TACC2: variants seen among roughly 807,000 people sequenced by gnomAD.
The protein encoded by TACC2 is transforming acidic coiled-coil-containing protein 2.
In TACC2, 137 loss-of-function variants were observed where a neutral mutation model predicts 227.3. The ratio of observed to expected loss-of-function variants is 0.60; its 90% CI spans 0.52 to 0.69. TACC2 has a LOEUF of 0.69. Ranked by LOEUF, TACC2 falls within the 30% of genes least tolerant of loss-of-function variation. The pLI, the probability that TACC2 is intolerant of heterozygous loss-of-function variation, is 0.00. For synonymous variants in TACC2, 1,523 were observed against 1,487.5 expected (o/e 1.02, Z -0.55); for missense variants, 3,470 against 3,694.4 (o/e 0.94, Z 1.57).
At chr10:122,232,032 C>A (rs1318734746) in intron 16 of TACC2, among the ~76,000 whole-genome samples, 1 of 152,206 alleles carries the variant, frequency 6.6e-6, no homozygotes, top group African/African-American at 2.4e-5. Flanking sequence ...CTCCCAGAGA[C>A]AGTGGGTGCT....
intron 1 of TACC2, among the ~76,000 whole-genome samples, chr10:122,008,269 T>TTATTTTTA (rs1955490060): frequency 6.7e-6 from 1 of 148,860 alleles, no homozygotes; most frequent in South Asian, 2.1e-4. Context: ...TTATTATTTT[T>TTATTTTTA]TTTTTTTGAG....
rs2079436625 is a variant in TACC2, at chr10:122,081,185, C to T, written c.147-1462C>T. Among the ~76,000 whole-genome samples the T allele has an allele frequency of 2.0e-5, 3 of 151,928 alleles. No homozygotes were observed. The South Asian group carries it at 6.2e-4, about 32-fold the overall frequency. ...TCTGATTTTTTTTTCCTACATTTTC[C>T]ACACTTTGTGTTGGCCACATATTAT... On this transcript the variant is annotated intron_variant, in intron 3 of 22. Coordinates refer to ENST00000369005, the MANE Select transcript of TACC2 (RefSeq NM_206862.4).
chr10:122,057,329 G>A (rs942419857), intron 3 of TACC2, among the ~76,000 whole-genome samples: 1 of 152,214 alleles, frequency 6.6e-6, no homozygotes, highest in Non-Finnish European at 1.5e-5. Flanking sequence ...AGGGGATGTT[G>A]TTGTAGTAGA....
intron 8 of TACC2, among the ~76,000 whole-genome samples, chr10:122,203,388 C>T (rs559756551): frequency 2.4e-4 from 36 of 149,888 alleles, no homozygotes; most frequent in African/African-American, 6.5e-4. Flanking sequence ...ACCTCCCTCC[C>T]GGACGGGGCG....
chr10:122,009,860 A>C (rs1955704940), intron 1 of TACC2, among the ~76,000 whole-genome samples: 1 of 152,132 alleles, frequency 6.6e-6, no homozygotes, highest in Non-Finnish European at 1.5e-5. Flanking sequence ...TAGGAGGCGG[A>C]GGTTGCAGTG....
rs55655832 is a variant in TACC2, at chr10:122,176,073, TTCTCTCTCTCTCTCTC to T, written c.5835-18937_5835-18922del. Among the ~76,000 whole-genome samples the T allele has an allele frequency of 8.8e-3, 811 of 92,672 alleles. 10 individuals are homozygous for T. The highest frequency in any genetic ancestry group is 0.021 in the African/African-American group (575 of 27,734). The allele number at this position is 92,672 out of a possible 152,430, so 60.8% of individuals were successfully genotyped here. A position where few individuals can be genotyped will look rare whatever the true frequency, so the allele number is the denominator to read the frequency against. On this transcript the variant is annotated intron_variant, in intron 7 of 22. Coordinates refer to ENST00000369005, the MANE Select transcript of TACC2 (RefSeq NM_206862.4). ...CTAACCTGAACAACAGAGCAAAACC[TTCTCTCTCTCTCTCTC>T]TCTCTCTCTCTCTCTCTCTCTCTCT...
chr10:122,164,662 T>G lies in TACC2; in HGVS notation c.5834+20956T>G, dbSNP rs369384957. Among the ~76,000 whole-genome samples, 247 of 152,260 alleles carry G rather than the reference T, an allele frequency of 1.6e-3. 1 individual carries two copies. Among genetic ancestry groups the G allele is most frequent in the Middle Eastern group, 6.8e-3 (2 of 294 alleles). The stretch of plus-strand genomic sequence containing the variant: ...GCCGAGTGTTTATTAGAATTCACGT[T>G]TCTGTTATGGTCGTCTCCATTACCT... On this transcript the variant is annotated intron_variant, in intron 7 of 22. Coordinates refer to ENST00000369005, the MANE Select transcript of TACC2 (RefSeq NM_206862.4).
intron 5 of TACC2, among the ~76,000 whole-genome samples, chr10:122,117,704 G>A (rs966945688): frequency 6.6e-6 from 1 of 152,196 alleles, no homozygotes; most frequent in Non-Finnish European, 1.5e-5. Context: ...CTGAGGTCCA[G>A]GAGCTATTCT....
chr10:122,252,475 A>G (rs1389645374), intron 22 of TACC2, among the ~76,000 whole-genome samples: 1 of 151,776 alleles, frequency 6.6e-6, no homozygotes, highest in Admixed American at 6.6e-5. Context: ...CATAGTGGCA[A>G]TGAGAGTTTT....
chr10:122,134,599 C>A (rs895197497), intron 6 of TACC2, among the ~76,000 whole-genome samples: 4 of 152,244 alleles, frequency 2.6e-5, no homozygotes, highest in African/African-American at 9.6e-5. Flanking sequence ...ACGTGGGGCA[C>A]CCCCTTCCTG....
intron 7 of TACC2, among the ~76,000 whole-genome samples, chr10:122,151,548 C>A (rs1292394267): frequency 6.6e-6 from 1 of 152,054 alleles, no homozygotes; most frequent in Non-Finnish European, 1.5e-5. Flanking sequence ...TTTAGAGGGG[C>A]CTGCAGCCAG....
In TACC2 at chr10:122,085,103, A is replaced by G. The variant is rs2079955640; in HGVS notation, c.2603A>G (p.Gln868Arg). The G allele has an allele frequency of 6.2e-7, 1 of 1,614,084 alleles. No individual in the cohort carries two copies. The highest frequency in any genetic ancestry group is 8.5e-7 in the Non-Finnish European group (1 of 1,180,056). ...TSPSHPGFKD[Q>R]GADSSQIHVP... ...CCAAGCCATCCAGGTTTTAAGGACCAGGGAGCAGATTCTTCCCAAATCCAT... is the reference window on the plus strand; with the variant it reads ...CCAAGCCATCCAGGTTTTAAGGACCGGGGAGCAGATTCTTCCCAAATCCAT... Residue 868 changes from glutamine to arginine, a missense_variant, in exon 4 of 23, where the codon CAG becomes CGG. Around this residue, in one of 10 missense-constraint regions of TACC2, gnomAD observed 1,924 missense variants for 1,978.3 expected, o/e 0.97. Transcript: ENST00000369005.
intron 3 of TACC2, among the ~76,000 whole-genome samples, chr10:122,073,800 G>C (rs2078430984): frequency 6.6e-6 from 1 of 151,992 alleles, no homozygotes; most frequent in Non-Finnish European, 1.5e-5. Flanking sequence ...TGTTTTTTGA[G>C]ATAGGGTCTT....
At chr10:122,133,794 C>T (rs572509108) in intron 6 of TACC2, among the ~76,000 whole-genome samples, 1 of 152,312 alleles carries the variant, frequency 6.6e-6, no homozygotes, top group East Asian at 1.9e-4. Flanking sequence ...TGTAAATGAC[C>T]CGTATCTAAT....
intron 1 of TACC2, among the ~76,000 whole-genome samples, chr10:122,002,423 T>C (rs1011285383): frequency 1.3e-5 from 2 of 149,128 alleles, no homozygotes; most frequent in Non-Finnish European, 3.0e-5. Flanking sequence ...GTGATATTGC[T>C]TTGTAGTTTT....
At chr10:122,156,888 A>T (rs1224183890) in intron 7 of TACC2, among the ~76,000 whole-genome samples, 1 of 152,124 alleles carries the variant, frequency 6.6e-6, no homozygotes, top group East Asian at 1.9e-4. Flanking sequence ...CTTTGGGAGG[A>T]TCACTTGAGC....
chr10:122,237,324 G>T (rs2095875920), intron 16 of TACC2, 71 bp from the exon 17 acceptor site: 2 of 1,444,166 alleles, frequency 1.4e-6, no homozygotes, highest in Non-Finnish European at 1.9e-6. Context: ...TTCATGAGAG[G>T]GTGAGTGTAA....
intron 2 of TACC2, among the ~76,000 whole-genome samples, chr10:122,046,432 C>G (rs964216242): frequency 6.6e-6 from 1 of 152,022 alleles, no homozygotes; most frequent in Non-Finnish European, 1.5e-5. Context: ...CAAGATCTCG[C>G]CACTGCACTC....
intron 14 of TACC2, among the ~76,000 whole-genome samples, chr10:122,228,520 A>T (rs1003403762): frequency 1.1e-4 from 16 of 152,202 alleles, no homozygotes; most frequent in Admixed American, 3.3e-4. Flanking sequence ...CACACGTGTC[A>T]CATGGCCTTG....
Sources: allele counts gnomAD v4.1 joint callset (sites outside exome capture counted in the v4.1 genomes callset), GRCh38; gene constraint gnomAD v4.1.1; regional missense constraint gnomAD v4.1.1; transcripts MANE v1.5; gene names NCBI Gene and HGNC (gene_info 2026-07-23, HGNC 2026-07-21).